IFT80: variants seen among roughly 807,000 people sequenced by gnomAD.
IFT80 encodes the protein intraflagellar transport 80.
Under a neutral mutation model 107.9 loss-of-function variants are expected in IFT80, and 79 were observed. The observed-to-expected ratio is 0.73, with a 90% confidence interval of 0.61 to 0.88. IFT80 has a LOEUF of 0.88. Among genes scored for constraint, IFT80 ranks in the 40% least tolerant of loss-of-function variants. The pLI is 0.00. For synonymous variants in IFT80, 299 were observed against 300.9 expected, an observed-to-expected ratio of 0.99 and a Z score of 0.07; for missense variants, 797 against 914.2, an observed-to-expected ratio of 0.87 and a Z score of 1.65.
chr3:160,377,380 A>C (rs1462610219), intron 4 of IFT80, 50 bp downstream of exon 4: 6 of 1,094,768 alleles, frequency 5.5e-6, no homozygotes, highest in Non-Finnish European at 8.4e-6. Flanking sequence ...TTCTTTGGAA[A>C]TTTTTCTTTA....
intron 9 of IFT80, among the ~76,000 whole-genome samples, chr3:160,308,614 GTTC>G (rs1431097250): frequency 6.6e-6 from 1 of 152,068 alleles, no homozygotes; most frequent in Non-Finnish European, 1.5e-5. Flanking sequence ...ACTGCTTTAA[GTTC>G]TCCTCAAAAT....
intron 3 of IFT80, 126 bp from the exon 4 acceptor site, chr3:160,377,666 C>A: frequency 1.8e-6 from 1 of 551,540 alleles, no homozygotes; most frequent in South Asian, 2.6e-5. Flanking sequence ...TTCTTAATAT[C>A]ACATATAAAT....
chr3:160,384,778 G>A (rs922198836), intron 1 of IFT80, 132 bp from the exon 2 acceptor site: 1 of 642,092 alleles, frequency 1.6e-6, no homozygotes, highest in South Asian at 2.0e-5. Flanking sequence ...CAAGTACATG[G>A]AAAGAGAAAA....
intron 12 of IFT80, among the ~76,000 whole-genome samples, chr3:160,299,725 T>C (rs1407620176): frequency 6.6e-6 from 1 of 152,114 alleles, no homozygotes; most frequent in Non-Finnish European, 1.5e-5. Context: ...CCAACCTCTC[T>C]CCCGAGCCTT....
intron 4 of IFT80, among the ~76,000 whole-genome samples, chr3:160,376,895 A>G (rs1164106567): frequency 6.6e-6 from 1 of 152,206 alleles, no homozygotes; most frequent in East Asian, 1.9e-4. Context: ...ACAAGCCTTC[A>G]TATGACTGCC....
chr3:160,348,253 T>G (rs1481062752), intron 8 of IFT80, among the ~76,000 whole-genome samples: 1 of 152,204 alleles, frequency 6.6e-6, no homozygotes, highest in Non-Finnish European at 1.5e-5. Context: ...ACAATGAAAT[T>G]CAAACGGTAG....
chr3:160,382,720 C>T (rs549026624), intron 2 of IFT80, among the ~76,000 whole-genome samples: 1 of 152,130 alleles, frequency 6.6e-6, no homozygotes, highest in African/African-American at 2.4e-5. Flanking sequence ...CTTCTTTTCT[C>T]ACCAATACTT....
intron 1 of IFT80, among the ~76,000 whole-genome samples, chr3:160,397,167 C>A (rs917234949): frequency 2.7e-5 from 4 of 150,470 alleles, no homozygotes; most frequent in African/African-American, 9.9e-5. Flanking sequence ...ATTTTTACCC[C>A]AAAATGACTC....
chr3:160,312,734 TATATATAAATATATA>T lies in IFT80; in HGVS notation c.958-4968_958-4954del, dbSNP rs1294507785. Among the ~76,000 whole-genome samples, 2 of 44,122 alleles carry T rather than the reference TATATATAAATATATA, an allele frequency of 4.5e-5. 1 individual carries two copies. Among genetic ancestry groups the T allele is most frequent in the Non-Finnish European group, 7.4e-5 (2 of 27,210 alleles). 28.9% of individuals were successfully genotyped at this position (44,122 alleles called of 152,430 possible). On this transcript the variant is annotated intron_variant, in intron 9 of 19. Transcript: ENST00000326448. Reference sequence around the variant, plus strand: ...TATAATATATATAATAAATATATATTATATATAAATATATAATATATATATAAATGTATATTATAT... The same window carrying T: ...TATAATATATATAATAAATATATATTATATATATATAAATGTATATTATAT...
chr3:160,330,031 C>A (rs1490243853), intron 8 of IFT80, among the ~76,000 whole-genome samples: 1 of 152,142 alleles, frequency 6.6e-6, no homozygotes, highest in African/African-American at 2.4e-5. Context: ...AATGTAAATT[C>A]ATGGACCCTA....
rs1720522863 is a variant in IFT80 at position 160,349,478 on chromosome 3, C to A, written c.777+6535G>T. On this transcript the variant is annotated intron_variant, in intron 8 of 19. Coordinates refer to ENST00000326448, the MANE Select transcript of IFT80 (RefSeq NM_020800.3). ...AGAAAAAAAAAAAGGAACACTGCAC[C>A]TCAACTAAAAATTTGTGAAGAGCTC... Among the ~76,000 whole-genome samples the A allele has an allele frequency of 2.6e-5, 4 of 151,822 alleles. No homozygotes were observed. In the South Asian group the frequency reaches 8.3e-4, roughly 32 times the overall value.
intron 19 of IFT80, among the ~76,000 whole-genome samples, chr3:160,266,511 G>A (rs1337223054): frequency 2.0e-5 from 3 of 151,850 alleles, no homozygotes. Context: ...CCTCTCCCAA[G>A]TAGCTGGGAC....
chr3:160,276,942 T>C (rs1714314470), intron 18 of IFT80, among the ~76,000 whole-genome samples: 1 of 152,194 alleles, frequency 6.6e-6, no homozygotes, highest in Non-Finnish European at 1.5e-5. Flanking sequence ...TCTTATGAGC[T>C]CCAGGTCCAT....
intron 8 of IFT80, among the ~76,000 whole-genome samples, chr3:160,332,675 C>A (rs1252127381): frequency 6.6e-6 from 1 of 152,194 alleles, no homozygotes; most frequent in Admixed American, 6.5e-5. Flanking sequence ...CATGTACTTC[C>A]AGTAGGAAGC....
rs77244976 is a variant in IFT80, at chr3:160,356,968, G to A, written c.639+521C>T. ...CTACAAATTATTTTGACCTGAAATT[G>A]ATCAATATTTAGTAAACCAGCAGGG... On this transcript the variant is annotated intron_variant, in intron 7 of 19. Transcript: ENST00000326448. Among the ~76,000 whole-genome samples the A allele has an allele frequency of 2.0e-5, 3 of 152,204 alleles. No individual in the cohort carries two copies. In the South Asian group the frequency reaches 6.2e-4, roughly 32 times the overall value.
chr3:160,336,489 TCTAA>T (rs1162823456), intron 8 of IFT80, among the ~76,000 whole-genome samples: 1 of 152,092 alleles, frequency 6.6e-6, no homozygotes, highest in East Asian at 1.9e-4. Flanking sequence ...GTCAAATAAG[TCTAA>T]CTTCTATTCC....
intron 2 of IFT80, among the ~76,000 whole-genome samples, chr3:160,382,785 A>G (rs960783751): frequency 2.0e-5 from 3 of 152,236 alleles, no homozygotes; most frequent in East Asian, 3.8e-4. Context: ...AATGCAGACA[A>G]TGCGCCTAAT....
At chr3:160,305,858 A>G (rs1716795825) in intron 10 of IFT80, among the ~76,000 whole-genome samples, 1 of 152,146 alleles carries the variant, frequency 6.6e-6, no homozygotes, top group African/African-American at 2.4e-5. Context: ...TAACAAAGTC[A>G]ATAATCTGAT....
chr3:160,362,620 A>G (rs1205253924), intron 6 of IFT80, among the ~76,000 whole-genome samples: 1 of 152,230 alleles, frequency 6.6e-6, no homozygotes, highest in Non-Finnish European at 1.5e-5. Context: ...AAAATCCTCA[A>G]AAAAAGTACT....
Sources: gnomAD v4.1 joint callset for allele counts (sites outside exome capture counted in the v4.1 genomes callset) on GRCh38, gnomAD v4.1.1 for gene constraint, MANE v1.5 for transcripts, NCBI Gene and HGNC (gene_info 2026-07-23, HGNC 2026-07-21) for gene names.